GRIK1: variants seen among roughly 807,000 people sequenced by gnomAD.
GRIK1 encodes the protein glutamate receptor ionotropic, kainate 1.
Under a neutral mutation model 105.7 loss-of-function variants are expected in GRIK1, and 69 were observed. The ratio of observed to expected loss-of-function variants is 0.65; its 90% CI spans 0.54 to 0.80. The LOEUF is 0.80. Among genes scored for constraint, GRIK1 ranks in the 30% least tolerant of loss-of-function variants. The pLI is 0.00. For missense variants in GRIK1, 1,109 were observed against 1,167.3 expected (o/e 0.95, Z 0.73); for synonymous variants, 438 against 431.3 (o/e 1.02, Z -0.19).
intron 2 of GRIK1, 30 bp from the exon 3 acceptor site, chr21:29,690,015 G>GT: frequency 6.8e-7 from 1 of 1,473,458 alleles, no homozygotes. Flanking sequence ...AGAGGATGGG[G>GT]AGGGAGGGCA....
intron 12 of GRIK1, among the ~76,000 whole-genome samples, chr21:29,582,141 C>T (rs975950663): frequency 6.6e-6 from 1 of 152,106 alleles, no homozygotes; most frequent in African/African-American, 2.4e-5. Context: ...AGATGTTTTT[C>T]GAATAGTCCA....
chr21:29,679,702 C>T (rs1262367220), intron 3 of GRIK1, among the ~76,000 whole-genome samples: 25 of 152,124 alleles, frequency 1.6e-4, no homozygotes, highest in Admixed American at 1.6e-3. Flanking sequence ...TCTTTTATTT[C>T]TCTCTTCTTT....
intron 1 of GRIK1, among the ~76,000 whole-genome samples, chr21:29,871,760 A>ATTTTTTTTTT (rs35513177): frequency 1.7e-5 from 2 of 121,158 alleles, no homozygotes; most frequent in Non-Finnish European, 1.6e-5. Context: ...AATCTTTTTA[A>ATTTTTTTTTT]TTTTTTTTTT....
At chr21:29,637,057 T>C (rs901837338) in intron 7 of GRIK1, among the ~76,000 whole-genome samples, 10 of 152,320 alleles carry the variant, frequency 6.6e-5, no homozygotes, top group African/African-American at 2.2e-4. Context: ...ACCTTGAATG[T>C]GGGTTTTAGG....
chr21:29,864,718 A>G (rs1196211440), intron 1 of GRIK1, among the ~76,000 whole-genome samples: 1 of 151,782 alleles, frequency 6.6e-6, no homozygotes, highest in African/African-American at 2.4e-5. Flanking sequence ...TTTGTCTTTA[A>G]TGTGAAATTT....
intron 1 of GRIK1, among the ~76,000 whole-genome samples, chr21:29,698,401 G>A (rs1415831822): frequency 1.3e-5 from 2 of 152,146 alleles, no homozygotes; most frequent in Non-Finnish European, 2.9e-5. Flanking sequence ...CCAAGCCAGG[G>A]CAGTGGGTGA....
chr21:29,844,269 C>CGGTT (rs2068056776), intron 1 of GRIK1, among the ~76,000 whole-genome samples: 1 of 152,094 alleles, frequency 6.6e-6, no homozygotes, highest in Non-Finnish European at 1.5e-5. Context: ...TATATTCCTG[C>CGGTT]AGTTCTTAGA....
chr21:29,620,526 G>A (rs1227005943), intron 7 of GRIK1, among the ~76,000 whole-genome samples: 2 of 151,994 alleles, frequency 1.3e-5, no homozygotes, highest in African/African-American at 2.4e-5. Context: ...AAAGCACTTC[G>A]TTAGACTTGC....
At chr21:29,887,775 T>A (rs1294101889) in intron 1 of GRIK1, among the ~76,000 whole-genome samples, 2 of 152,066 alleles carry the variant, frequency 1.3e-5, no homozygotes, top group Non-Finnish European at 2.9e-5. Flanking sequence ...AGAAATCATA[T>A]CTATGTTCAC....
intron 4 of GRIK1, among the ~76,000 whole-genome samples, chr21:29,658,561 C>T (rs948927664): frequency 1.3e-5 from 2 of 152,222 alleles, no homozygotes; most frequent in African/African-American, 2.4e-5. Flanking sequence ...TGCACCTGGC[C>T]AAGTCTCATT....
chr21:29,722,882 GT>G (rs1014718739), intron 1 of GRIK1, among the ~76,000 whole-genome samples: 6 of 152,118 alleles, frequency 3.9e-5, no homozygotes, highest in Non-Finnish European at 8.8e-5. Flanking sequence ...TCTTAAAAAA[GT>G]TTAGAAATAT....
intron 1 of GRIK1, among the ~76,000 whole-genome samples, chr21:29,873,355 T>TGTTTAAGA (rs1408044024): frequency 6.6e-6 from 1 of 152,222 alleles, no homozygotes; most frequent in Non-Finnish European, 1.5e-5. Context: ...GGCATTTCTG[T>TGTTTAAGA]GTTTAAGAGT....
At chr21:29,749,259 T>C (rs952949390) in intron 1 of GRIK1, 1 of 152,132 alleles carries the variant, frequency 6.6e-6, no homozygotes, top group African/African-American at 2.4e-5. Context: ...CATGTTACAG[T>C]GGATATTGAA....
chr21:29,877,559 G>C (rs1007740442), intron 1 of GRIK1, among the ~76,000 whole-genome samples: 71 of 152,098 alleles, frequency 4.7e-4, no homozygotes, highest in African/African-American at 1.7e-3. Flanking sequence ...ATCTCATGCT[G>C]TATTACAGAC....
chr21:29,807,172 CT>C (rs1416673696), intron 1 of GRIK1, among the ~76,000 whole-genome samples: 1 of 152,136 alleles, frequency 6.6e-6, no homozygotes, highest in African/African-American at 2.4e-5. Context: ...GTTAAAGCTT[CT>C]TTTAAAAGCT....
chr21:29,723,985 A>G (rs1436405077), intron 1 of GRIK1, among the ~76,000 whole-genome samples: 1 of 152,186 alleles, frequency 6.6e-6, no homozygotes, highest in Non-Finnish European at 1.5e-5. Context: ...TCATGAACCA[A>G]TGTAATCAAC....
chr21:29,813,519 C>T (rs1215290847), intron 1 of GRIK1, among the ~76,000 whole-genome samples: 1 of 152,076 alleles, frequency 6.6e-6, no homozygotes, highest in Non-Finnish European at 1.5e-5. Flanking sequence ...GTTTCACACA[C>T]ATTTTTTGTA....
chr21:29,550,906 A>G (rs1469942596), intron 16 of GRIK1, among the ~76,000 whole-genome samples: 1 of 152,240 alleles, frequency 6.6e-6, no homozygotes, highest in Non-Finnish European at 1.5e-5. Flanking sequence ...AGTCCATAAT[A>G]TTACCTTCAT....
At chr21:29,695,756 A>G (rs2063689806) in intron 1 of GRIK1, among the ~76,000 whole-genome samples, 1 of 152,116 alleles carries the variant, frequency 6.6e-6, no homozygotes, top group African/African-American at 2.4e-5. Context: ...TACAGGCATG[A>G]GCCACCGTGC....
Sources: allele counts gnomAD v4.1 joint callset (sites outside exome capture counted in the v4.1 genomes callset), GRCh38; gene constraint gnomAD v4.1.1; transcripts MANE v1.5; gene names NCBI Gene and HGNC (gene_info 2026-07-23, HGNC 2026-07-21).